SLC44A5: variants seen among roughly 807,000 people sequenced by gnomAD.
The protein encoded by SLC44A5 is choline transporter-like protein 5.
In SLC44A5, 57 loss-of-function variants were observed where a neutral mutation model predicts 101.8. The ratio of observed to expected loss-of-function variants is 0.56; its 90% CI spans 0.45 to 0.70. The LOEUF (loss-of-function observed/expected upper bound fraction) is 0.70. Among genes scored for constraint, SLC44A5 ranks in the 30% least tolerant of loss-of-function variants. The pLI is 0.00. For synonymous variants in SLC44A5, 281 were observed against 290.9 expected, an observed-to-expected ratio of 0.97 and a Z score of 0.35; for missense variants, 737 against 853.1, an observed-to-expected ratio of 0.86 and a Z score of 1.70.
the SLC44A5 span, chr1:75,720,241 A>C: frequency 6.6e-6 from 1 of 152,188 alleles, no homozygotes; most frequent in Non-Finnish European, 1.5e-5. Flanking sequence ...TCTGTTTTTA[A>C]GTCTCCATTA....
chr1:75,415,895 G>A (rs1198089168), intron 2 of SLC44A5, among the ~76,000 whole-genome samples: 2 of 152,210 alleles, frequency 1.3e-5, no homozygotes, highest in African/African-American at 2.4e-5. Flanking sequence ...AAATTTATAA[G>A]CAGGAAAGTA....
chr1:75,585,955 C>T (rs762858417), intron 1 of SLC44A5, among the ~76,000 whole-genome samples: 4 of 152,150 alleles, frequency 2.6e-5, no homozygotes, highest in Non-Finnish European at 5.9e-5. Flanking sequence ...TTGAGAACCA[C>T]TACCTAACAA....
chr1:75,515,375 A>G (rs954576360), intron 2 of SLC44A5, among the ~76,000 whole-genome samples: 1 of 152,164 alleles, frequency 6.6e-6, no homozygotes, highest in African/African-American at 2.4e-5. Context: ...TGTCAAAAAA[A>G]AAAGCAAGCA....
At chr1:75,409,256 A>G (rs1348118976) in intron 2 of SLC44A5, among the ~76,000 whole-genome samples, 2 of 152,186 alleles carry the variant, frequency 1.3e-5, no homozygotes, top group Non-Finnish European at 2.9e-5. Context: ...TCCTTCTCAC[A>G]TAGCCTATTG....
At chr1:75,669,946 G>A in the SLC44A5 span, among the ~76,000 whole-genome samples, 4,824 of 152,122 alleles carry the variant, frequency 0.032, 254 homozygotes, top group African/African-American at 0.11. Context: ...ATTATTAGGG[G>A]AAAAACAAAT....
chr1:75,338,341 A>G (rs1472454244), intron 4 of SLC44A5, among the ~76,000 whole-genome samples: 1 of 152,160 alleles, frequency 6.6e-6, no homozygotes, highest in African/African-American at 2.4e-5. Flanking sequence ...TACACCTAAA[A>G]CCAGCCAGGC....
At chr1:75,496,610 C>CA (rs113836655) in intron 2 of SLC44A5, among the ~76,000 whole-genome samples, 2,389 of 129,526 alleles carry the variant, frequency 0.018, 30 homozygotes, top group South Asian at 0.069. Flanking sequence ...ACAACAACAA[C>CA]AAAAAAAAAA....
chr1:75,637,328 C>CA, the SLC44A5 span, among the ~76,000 whole-genome samples: 3 of 151,788 alleles, frequency 2.0e-5, no homozygotes, highest in South Asian at 6.2e-4. Context: ...TATAATTCAG[C>CA]CATAAAAAGA....
intron 4 of SLC44A5, among the ~76,000 whole-genome samples, chr1:75,322,597 T>A (rs905468020): frequency 6.6e-6 from 1 of 152,256 alleles, no homozygotes; most frequent in Admixed American, 6.5e-5. Context: ...ACATTTGACA[T>A]AATTTTGAGG....
the SLC44A5 span, among the ~76,000 whole-genome samples, chr1:75,705,540 G>A: frequency 1.3e-5 from 2 of 151,940 alleles, no homozygotes; most frequent in East Asian, 1.9e-4. Context: ...AAAACTTTTC[G>A]TGCATTCTCT....
chr1:75,406,541 G>A (rs1662879824), intron 2 of SLC44A5, among the ~76,000 whole-genome samples: 1 of 152,184 alleles, frequency 6.6e-6, no homozygotes, highest in African/African-American at 2.4e-5. Context: ...TCCCTGGGAT[G>A]TAAGGCTGGT....
At chr1:75,677,073 C>A in the SLC44A5 span, among the ~76,000 whole-genome samples, 1 of 152,050 alleles carries the variant, frequency 6.6e-6, no homozygotes, top group Admixed American at 6.6e-5. Flanking sequence ...ATTTCATCAA[C>A]ACCAGATCTC....
At chr1:75,445,946 T>C (rs1665548931) in intron 2 of SLC44A5, among the ~76,000 whole-genome samples, 1 of 152,184 alleles carries the variant, frequency 6.6e-6, no homozygotes, top group Non-Finnish European at 1.5e-5. Flanking sequence ...TTCCCCTTGA[T>C]TTCTGTTTCT....
intron 2 of SLC44A5, among the ~76,000 whole-genome samples, chr1:75,430,105 T>C (rs942075728): frequency 1.3e-5 from 2 of 152,112 alleles, no homozygotes; most frequent in African/African-American, 4.8e-5. Context: ...GGAAACTTAA[T>C]CCTCAGTGCA....
In SLC44A5 at chr1:75,602,726, C is replaced by T. The variant is rs191051140; in HGVS notation, c.-70+8314G>A. ...ATAAATAAGAAAAATGTGTTTTTCA[C>T]TTCGAAAAAAAGTATTTCAAAGTGA... is the stretch of plus-strand genomic sequence containing the variant. On this transcript the variant is annotated intron_variant, in intron 1 of 23. Coordinates refer to ENST00000370859, the MANE Select transcript of SLC44A5 (RefSeq NM_001130058.2). Among the ~76,000 whole-genome samples, 45 of 152,036 alleles carry T rather than the reference C, an allele frequency of 3.0e-4. 1 individual carries two copies. The East Asian group carries it at 8.3e-3, about 28-fold the overall frequency.
intron 4 of SLC44A5, among the ~76,000 whole-genome samples, chr1:75,322,336 A>G (rs963410340): frequency 1.3e-5 from 2 of 152,092 alleles, no homozygotes; most frequent in African/African-American, 4.8e-5. Flanking sequence ...GTTTACAATG[A>G]CATCCAATAT....
chr1:75,628,840 C>T, the SLC44A5 span, among the ~76,000 whole-genome samples: 1 of 152,122 alleles, frequency 6.6e-6, no homozygotes, highest in Non-Finnish European at 1.5e-5. Context: ...GTATAACCAC[C>T]TACTCCTACA....
At chr1:75,620,621 A>G in the SLC44A5 span, among the ~76,000 whole-genome samples, 1 of 152,154 alleles carries the variant, frequency 6.6e-6, no homozygotes, top group Non-Finnish European at 1.5e-5. Flanking sequence ...GGCCACACAA[A>G]TGTCTTCTTT....
At position 75,491,726 on chromosome 1, in the gene SLC44A5, C is replaced by T. The variant is rs992594958; in HGVS notation, c.13+49709G>A. Among the ~76,000 whole-genome samples the T allele has an allele frequency of 5.5e-5, 8 of 146,494 alleles. No individual in the cohort carries two copies. The South Asian group carries it at 1.1e-3, about 20-fold the overall frequency. On this transcript the variant is annotated intron_variant, in intron 2 of 23. Coordinates refer to ENST00000370859, the MANE Select transcript of SLC44A5 (RefSeq NM_001130058.2). ...GCATACATACACACACAAGCACGCA[C>T]GCACGCACACACACACACACACACA...
Sources: allele counts gnomAD v4.1 joint callset (sites outside exome capture counted in the v4.1 genomes callset), GRCh38; gene constraint gnomAD v4.1.1; transcripts MANE v1.5; gene names NCBI Gene and HGNC (gene_info 2026-07-23, HGNC 2026-07-21).